P4HA1: variants seen among roughly 807,000 people sequenced by gnomAD.
The protein encoded by P4HA1 is prolyl 4-hydroxylase subunit alpha 1.
P4HA1 carries 24 observed loss-of-function variants against 72.8 expected under a neutral mutation model. That is an observed-to-expected ratio of 0.33 (90% CI 0.24 to 0.46). The LOEUF is 0.46. P4HA1 is among the 20% of genes least tolerant of loss of function. The probability of loss-of-function intolerance (pLI) is 1.00; values close to 1 mark genes in which losing one functional copy is unlikely to be tolerated. For synonymous variants in P4HA1, 201 were observed against 218.8 expected (o/e 0.92, Z 0.72); for missense variants, 446 against 640.6 (o/e 0.70, Z 3.28).
chr10:73,072,141 T>G lies in P4HA1; in HGVS notation c.213A>C (p.Thr71=). ...GCCCAACAAATCCTTCTGGATCTTT[T>G]GTCGCTGTACTAGTTAGCCGATCTA... The part of the protein sequence containing the change: ...EKLDRLTSTA[T]KDPEGFVGHP... Residue 71 remains threonine, a synonymous_variant, in exon 4 of 15, where the codon ACA becomes ACC. Coordinates refer to ENST00000394890, the MANE Select transcript of P4HA1 (RefSeq NM_001017962.3). 6.2e-7 allele frequency: 1 copy of G among 1,613,694 alleles called. No individual in the cohort carries two copies. Among genetic ancestry groups the G allele is most frequent in the East Asian group, 2.2e-5 (1 of 44,844 alleles).
At chr10:73,054,954 G>A (rs574627532) in intron 5 of P4HA1, among the ~76,000 whole-genome samples, 25 of 152,194 alleles carry the variant, frequency 1.6e-4, no homozygotes, top group Admixed American at 1.6e-3. Flanking sequence ...GGCTAGGCAC[G>A]GTGGTTTCAC....
In P4HA1 at chr10:73,037,571, A is replaced by ATTT. The variant is rs71021545; in HGVS notation, c.1149-7204_1149-7202dup. ...TATATATATATATATATATATATAT[A>ATTT]TTTTTTTTTTTTTTTTTTTACAAAG... On this transcript the variant is annotated intron_variant, in intron 9 of 14. Transcript: ENST00000394890. Among the ~76,000 whole-genome samples the ATTT allele has an allele frequency of 5.3e-3, 161 of 30,592 alleles. 10 individuals carry two copies. Among genetic ancestry groups the ATTT allele is most frequent in the Non-Finnish European group, 6.0e-3 (102 of 16,982 alleles). 20.1% of individuals were successfully genotyped at this position (30,592 alleles called of 152,430 possible). A position where few individuals can be genotyped will look rare whatever the true frequency, so the allele number is the denominator to read the frequency against.
At chr10:73,052,523 T>A (rs1268565737) in intron 6 of P4HA1, among the ~76,000 whole-genome samples, 1 of 152,154 alleles carries the variant, frequency 6.6e-6, no homozygotes, top group East Asian at 1.9e-4. Flanking sequence ...ACAAAGTATA[T>A]TTTAAGTCAA....
At chr10:73,008,370 T>TG in intron 14 of P4HA1, 78 bp from the exon 15 acceptor site, 1 of 903,586 alleles carries the variant, frequency 1.1e-6, no homozygotes, top group Non-Finnish European at 1.8e-6. Flanking sequence ...GCTAGGTCTA[T>TG]AACAAAGTTT....
At chr10:73,041,563 A>T (rs1285866131) in intron 9 of P4HA1, among the ~76,000 whole-genome samples, 2 of 151,568 alleles carry the variant, frequency 1.3e-5, no homozygotes, top group African/African-American at 4.8e-5. Context: ...AAAAAAAAAA[A>T]GAATTCTCTG....
At chr10:73,086,130 A>C (rs902469821) in intron 1 of P4HA1, among the ~76,000 whole-genome samples, 3 of 152,252 alleles carry the variant, frequency 2.0e-5, no homozygotes, top group East Asian at 1.9e-4. Context: ...TAGTTCCTCA[A>C]AAAAGCTGAA....
intron 3 of P4HA1, 84 bp from the exon 4 acceptor site, chr10:73,072,264 C>A: frequency 2.6e-6 from 3 of 1,160,312 alleles, no homozygotes; most frequent in Non-Finnish European, 3.7e-6. Context: ...AAAAAAATGA[C>A]TAGAAGTTTT....
chr10:73,040,916 G>C (rs190288397), intron 9 of P4HA1, among the ~76,000 whole-genome samples: 137 of 151,950 alleles, frequency 9.0e-4, no homozygotes, highest in Non-Finnish European at 1.6e-3. Context: ...TTTAAAGAAG[G>C]GGTTTTTTGT....
intron 10 of P4HA1, among the ~76,000 whole-genome samples, chr10:73,022,035 C>T (rs566536851): frequency 8.5e-5 from 13 of 152,352 alleles, no homozygotes; most frequent in African/African-American, 3.1e-4. Flanking sequence ...GGCCTACTGC[C>T]TCTGTAGACT....
In P4HA1 at chr10:73,059,424, T is replaced by TAAAA. The variant is rs920360586; in HGVS notation, c.464-5838_464-5835dup. 5.4e-4 allele frequency among the ~76,000 whole-genome samples: 13 copies of TAAAA among 24,178 alleles called. 4 individuals carry two copies. Among genetic ancestry groups the TAAAA allele is most frequent in the African/African-American group, 7.8e-4 (7 of 9,026 alleles). 15.9% of individuals were successfully genotyped at this position (24,178 alleles called of 152,430 possible). ...GGGCAAAATAATGAGACAATATATT[T>TAAAA]AAAAAAAAAAAAAAAAAAAAAAAAA... On this transcript the variant is annotated intron_variant, in intron 5 of 14. Transcript: ENST00000394890.
intron 1 of P4HA1, among the ~76,000 whole-genome samples, chr10:73,087,674 G>T (rs1049202789): frequency 1.3e-5 from 2 of 151,806 alleles, no homozygotes; most frequent in African/African-American, 2.4e-5. Flanking sequence ...TTTTTTAATA[G>T]AGATGGGGTC....
At chr10:73,082,667 C>T (rs752899322) in intron 1 of P4HA1, 28 of 151,804 alleles carry the variant, frequency 1.8e-4, no homozygotes, top group Non-Finnish European at 4.1e-4. Context: ...TTTTAACCTT[C>T]GACACTTGTT....
intron 5 of P4HA1, among the ~76,000 whole-genome samples, chr10:73,063,374 T>A (rs1841353281): frequency 6.6e-6 from 1 of 152,306 alleles, no homozygotes; most frequent in African/African-American, 2.4e-5. Context: ...GCCTCTTTCA[T>A]AAGGGCCTTA....
intron 1 of P4HA1, among the ~76,000 whole-genome samples, chr10:73,096,410 A>C (rs541645017): frequency 1.3e-5 from 2 of 151,910 alleles, no homozygotes; most frequent in East Asian, 3.9e-4. Context: ...GACCAGGTGC[A>C]GGGGAACTTG....
intron 9 of P4HA1, among the ~76,000 whole-genome samples, chr10:73,040,559 T>C (rs1219659018): frequency 6.6e-6 from 1 of 150,592 alleles, no homozygotes; most frequent in Non-Finnish European, 1.5e-5. Flanking sequence ...CACTGCAATC[T>C]CTACCTCCCG....
At chr10:73,030,414 A>T (rs1218090503) in intron 9 of P4HA1, 44 bp from the exon 10 acceptor site, 6 of 1,006,432 alleles carry the variant, frequency 6.0e-6, no homozygotes, top group Non-Finnish European at 9.0e-6. Flanking sequence ...ATGTTTCATT[A>T]CATGGAGACT....
chr10:73,031,461 G>A (rs1840430815), intron 9 of P4HA1, among the ~76,000 whole-genome samples: 1 of 152,164 alleles, frequency 6.6e-6, no homozygotes, highest in Non-Finnish European at 1.5e-5. Flanking sequence ...CTCCAACCTG[G>A]GTGACAGAGT....
At chr10:73,072,826 C>T (rs966008715) in intron 3 of P4HA1, among the ~76,000 whole-genome samples, 4 of 152,112 alleles carry the variant, frequency 2.6e-5, no homozygotes, top group African/African-American at 9.7e-5. Context: ...CAGCAGGTGG[C>T]TTGACTAAGA....
In P4HA1 at chr10:73,066,064, T is replaced by A. The variant is rs958661964; in HGVS notation, c.463+2782A>T. Among the ~76,000 whole-genome samples, 4 of 152,346 alleles carry A rather than the reference T, an allele frequency of 2.6e-5. No individual in the cohort carries two copies. In the East Asian group the frequency reaches 7.7e-4, roughly 29 times the overall value. Reference sequence around the variant, plus strand: ...GACAGGATACGCACCAAGTTCAGAATAGTCATTACCTCTAAACAAGGGAAG... The same window carrying A: ...GACAGGATACGCACCAAGTTCAGAAAAGTCATTACCTCTAAACAAGGGAAG... On this transcript the variant is annotated intron_variant, in intron 5 of 14. Coordinates refer to ENST00000394890, the MANE Select transcript of P4HA1 (RefSeq NM_001017962.3).
Sources: gnomAD v4.1 joint callset for allele counts (sites outside exome capture counted in the v4.1 genomes callset) on GRCh38, gnomAD v4.1.1 for gene constraint, MANE v1.5 for transcripts, NCBI Gene and HGNC (gene_info 2026-07-23, HGNC 2026-07-21) for gene names.